Variants in PRKG1 observed in about 807,000 individuals in gnomAD.
PRKG1 encodes cGMP-dependent protein kinase 1.
Under a neutral mutation model 88.1 loss-of-function variants are expected in PRKG1, and 35 were observed. The observed-to-expected ratio is 0.40, with a 90% CI of 0.30 to 0.53. PRKG1 has a LOEUF of 0.53. Among genes scored for constraint, PRKG1 ranks in the 20% least tolerant of loss-of-function variants. PRKG1 has a pLI of 0.59. For missense variants in PRKG1, 540 were observed against 839.8 expected (o/e 0.64, Z 4.41); for synonymous variants, 303 against 292.5 (o/e 1.04, Z -0.37).
At chr10:51,414,865 C>A (rs896188350) in intron 2 of PRKG1, among the ~76,000 whole-genome samples, 1 of 152,092 alleles carries the variant, frequency 6.6e-6, no homozygotes, top group South Asian at 2.1e-4. Flanking sequence ...ATTGCTTGAG[C>A]TGAAAAACTT....
chr10:51,669,892 G>T (rs1009519813), intron 3 of PRKG1, among the ~76,000 whole-genome samples: 2 of 152,090 alleles, frequency 1.3e-5, no homozygotes, highest in African/African-American at 4.8e-5. Flanking sequence ...CAACGAAGCT[G>T]ATTAATTATG....
intron 2 of PRKG1, among the ~76,000 whole-genome samples, chr10:51,449,487 T>C (rs1196020561): frequency 1.3e-5 from 2 of 148,274 alleles, no homozygotes; most frequent in Non-Finnish European, 3.0e-5. Context: ...TTATACTTTA[T>C]AGAGACCAAG....
intron 5 of PRKG1, among the ~76,000 whole-genome samples, chr10:52,000,157 A>G (rs1311383866): frequency 6.6e-6 from 1 of 152,092 alleles, no homozygotes; most frequent in Non-Finnish European, 1.5e-5. Flanking sequence ...AGATAATAAA[A>G]AAGCAGAGCT....
intron 4 of PRKG1, among the ~76,000 whole-genome samples, chr10:51,892,968 A>G (rs1841758606): frequency 6.6e-6 from 1 of 152,214 alleles, no homozygotes; most frequent in Non-Finnish European, 1.5e-5. Flanking sequence ...AATTTATTTA[A>G]TTCCATAAAA....
chr10:51,263,604 C>G (rs1839769224), intron 2 of PRKG1, among the ~76,000 whole-genome samples: 1 of 152,192 alleles, frequency 6.6e-6, no homozygotes, highest in African/African-American at 2.4e-5. Context: ...CTCTTTATGT[C>G]CTCATGCAAT....
intron 2 of PRKG1, among the ~76,000 whole-genome samples, chr10:51,386,039 A>C (rs1252896503): frequency 2.0e-5 from 3 of 152,174 alleles, no homozygotes; most frequent in Non-Finnish European, 4.4e-5. Flanking sequence ...ACTGATAATA[A>C]AAGTTAAATT....
chr10:51,974,386 C>G (rs1843779143), intron 5 of PRKG1, among the ~76,000 whole-genome samples: 1 of 152,100 alleles, frequency 6.6e-6, no homozygotes, highest in African/African-American at 2.4e-5. Context: ...TTGTATGTTG[C>G]TGAAGAAAGG....
At chr10:51,396,887 C>A (rs932949315) in intron 2 of PRKG1, among the ~76,000 whole-genome samples, 4 of 151,840 alleles carry the variant, frequency 2.6e-5, no homozygotes, top group Non-Finnish European at 5.9e-5. Flanking sequence ...TAAGGGGGTG[C>A]CAAAGACTCA....
chr10:51,054,811 G>A (rs1843607862), intron 1 of PRKG1, among the ~76,000 whole-genome samples: 1 of 152,078 alleles, frequency 6.6e-6, no homozygotes, highest in African/African-American at 2.4e-5. Context: ...AGTTACTTCA[G>A]TGTTAAATCA....
intron 3 of PRKG1, among the ~76,000 whole-genome samples, chr10:51,498,733 G>C (rs1462886507): frequency 6.6e-6 from 1 of 152,118 alleles, no homozygotes; most frequent in Non-Finnish European, 1.5e-5. Context: ...CTCTTAAGTG[G>C]GTGAGGAAGT....
chr10:51,934,261 C>CT (rs1842757846), intron 5 of PRKG1, among the ~76,000 whole-genome samples: 1 of 150,676 alleles, frequency 6.6e-6, no homozygotes, highest in African/African-American at 2.4e-5. Context: ...CATACCCCCC[C>CT]CCCAACACCG....
chr10:51,697,853 T>C (rs759820352), intron 3 of PRKG1: 3 of 1,613,968 alleles, frequency 1.9e-6, no homozygotes, highest in Non-Finnish European at 2.5e-6. Flanking sequence ...GACCTGGCTC[T>C]GCCCAGGACT....
chr10:51,810,411 C>A (rs1042280808), intron 4 of PRKG1, among the ~76,000 whole-genome samples: 1 of 152,038 alleles, frequency 6.6e-6, no homozygotes, highest in Non-Finnish European at 1.5e-5. Flanking sequence ...TCTATGGGGG[C>A]CTTGTAGCAT....
chr10:51,104,696 T>TA (rs1844779288), intron 1 of PRKG1, among the ~76,000 whole-genome samples: 1 of 136,588 alleles, frequency 7.3e-6, no homozygotes, highest in Non-Finnish European at 1.6e-5. Context: ...TTTTTATTTT[T>TA]ATTTTATTTA....
At chr10:51,790,628 C>T (rs888024668) in intron 3 of PRKG1, among the ~76,000 whole-genome samples, 19 of 152,082 alleles carry the variant, frequency 1.2e-4, no homozygotes, top group African/African-American at 3.9e-4. Flanking sequence ...GTTCATAGAG[C>T]ATTGATCTTA....
rs746950388 is a variant in PRKG1 at position 51,412,180 on chromosome 10, TGAGAGA to T, written c.479-55514_479-55509del. Among the ~76,000 whole-genome samples, 100 of 125,332 alleles carry T rather than the reference TGAGAGA, an allele frequency of 8.0e-4. 5 individuals are homozygous for T. In the East Asian group the frequency reaches 0.011, roughly 13 times the overall value. 82.2% of individuals were successfully genotyped at this position (125,332 alleles called of 152,430 possible). On this transcript the variant is annotated intron_variant, in intron 2 of 17. Coordinates refer to ENST00000373980, the MANE Select transcript of PRKG1 (RefSeq NM_006258.4). ...ACCAAGCTGATTAAAGGAGAGAGAG[TGAGAGA>T]GAGAGAGAGAGAGAGAGAGAGAGAG...
intron 5 of PRKG1, among the ~76,000 whole-genome samples, chr10:52,016,295 G>T (rs7920662): frequency 0.015 from 2,232 of 152,306 alleles, 64 homozygotes; most frequent in African/African-American, 0.051. Flanking sequence ...GAGGAATCAA[G>T]ACGTTTTTTA....
At chr10:51,968,908 A>T (rs1589467009) in intron 5 of PRKG1, among the ~76,000 whole-genome samples, 1 of 152,082 alleles carries the variant, frequency 6.6e-6, no homozygotes, top group Non-Finnish European at 1.5e-5. Flanking sequence ...CTGCACTTCA[A>T]TGAGAACACT....
chr10:51,753,591 G>A (rs922442394), intron 3 of PRKG1, among the ~76,000 whole-genome samples: 2 of 152,166 alleles, frequency 1.3e-5, no homozygotes, highest in African/African-American at 4.8e-5. Context: ...AAAGAGAGTA[G>A]AAGTTACCTA....
Sources: gnomAD v4.1 joint callset for allele counts (sites outside exome capture counted in the v4.1 genomes callset) on GRCh38, gnomAD v4.1.1 for gene constraint, MANE v1.5 for transcripts, NCBI Gene and HGNC (gene_info 2026-07-23, HGNC 2026-07-21) for gene names.